PCDH15: variants seen among roughly 807,000 people sequenced by gnomAD.
PCDH15 encodes protocadherin-15.
In PCDH15, 129 loss-of-function variants were observed where a neutral mutation model predicts 178.5. The observed-to-expected ratio is 0.72, with a 90% confidence interval of 0.63 to 0.84. The LOEUF (loss-of-function observed/expected upper bound fraction) is 0.84. Among genes scored for constraint, PCDH15 ranks in the 40% least tolerant of loss-of-function variants. The pLI is 0.00. For missense variants in PCDH15, 2,230 were observed against 2,099.9 expected (o/e 1.06, Z -1.21); for synonymous variants, 800 against 732.0 (o/e 1.09, Z -1.50).
At chr10:55,595,054 T>C (rs767244098) in intron 2 of PCDH15, among the ~76,000 whole-genome samples, 1 of 152,056 alleles carries the variant, frequency 6.6e-6, no homozygotes, top group African/African-American at 2.4e-5. Flanking sequence ...TTTTTAATCA[T>C]TGAAATTCAC....
At chr10:55,370,277 G>T (rs1334362894) in intron 2 of PCDH15, among the ~76,000 whole-genome samples, 1 of 152,034 alleles carries the variant, frequency 6.6e-6, no homozygotes, top group Non-Finnish European at 1.5e-5. Context: ...CAATAAAACA[G>T]CATGCATTGA....
chr10:54,550,222 T>A (rs1260088116), intron 2 of PCDH15, among the ~76,000 whole-genome samples: 5 of 152,112 alleles, frequency 3.3e-5, no homozygotes, highest in African/African-American at 1.2e-4. Context: ...GTTATCCGTG[T>A]TTTTAGGGAG....
chr10:54,538,570 G>A (rs1183934722), intron 2 of PCDH15, among the ~76,000 whole-genome samples: 1 of 152,058 alleles, frequency 6.6e-6, no homozygotes, highest in Admixed American at 6.5e-5. Flanking sequence ...TTGTGCTTTG[G>A]TTTGAACTTG....
At chr10:53,848,240 C>G (rs959550049) in intron 28 of PCDH15, among the ~76,000 whole-genome samples, 1 of 149,736 alleles carries the variant, frequency 6.7e-6, no homozygotes, top group African/African-American at 2.5e-5. Flanking sequence ...GACAAAACTT[C>G]TAGGTTATAA....
intron 2 of PCDH15, among the ~76,000 whole-genome samples, chr10:54,597,661 T>A (rs572942238): frequency 7.9e-5 from 12 of 152,058 alleles, no homozygotes; most frequent in Admixed American, 7.9e-4. Flanking sequence ...GACTGAGACA[T>A]AATACAACCA....
intron 2 of PCDH15, among the ~76,000 whole-genome samples, chr10:55,077,511 CTTCCTTCT>C (rs2132021688): frequency 7.5e-6 from 1 of 133,124 alleles, no homozygotes; most frequent in African/African-American, 2.9e-5. Context: ...TCCTTCCTTC[CTTCCTTCT>C]TTCCTTCCTT....
intron 2 of PCDH15, among the ~76,000 whole-genome samples, chr10:55,423,478 C>CA (rs1193443628): frequency 6.6e-6 from 1 of 151,372 alleles, no homozygotes; most frequent in Non-Finnish European, 1.5e-5. Flanking sequence ...TGAGGAAAAC[C>CA]AAAAAAACAT....
intron 15 of PCDH15, among the ~76,000 whole-genome samples, chr10:54,108,886 G>A (rs993130130): frequency 2.6e-5 from 4 of 152,204 alleles, no homozygotes; most frequent in African/African-American, 9.6e-5. Context: ...ACACATCCTG[G>A]GCAAAAATAG....
At chr10:54,693,555 G>T (rs1318510767) in intron 1 of PCDH15, among the ~76,000 whole-genome samples, 3 of 152,082 alleles carry the variant, frequency 2.0e-5, no homozygotes, top group Admixed American at 2.0e-4. Context: ...ATGTTAAGTT[G>T]CTGACTATCT....
At chr10:55,571,963 T>C (rs998378506) in intron 2 of PCDH15, among the ~76,000 whole-genome samples, 2 of 152,088 alleles carry the variant, frequency 1.3e-5, no homozygotes, top group Non-Finnish European at 2.9e-5. Context: ...GCCACGTGTC[T>C]TGCTATAAAC....
At chr10:54,696,284 C>A (rs2095222151) in intron 1 of PCDH15, among the ~76,000 whole-genome samples, 2 of 151,904 alleles carry the variant, frequency 1.3e-5, no homozygotes, top group Admixed American at 6.6e-5. Context: ...GTAGAAATTG[C>A]AAGGGAACTA....
intron 3 of PCDH15, among the ~76,000 whole-genome samples, chr10:54,433,799 AC>A (rs1173455774): frequency 1.3e-5 from 2 of 152,188 alleles, no homozygotes; most frequent in African/African-American, 4.8e-5. Context: ...AAAGCATCTC[AC>A]ATACCCCATA....
intron 14 of PCDH15, among the ~76,000 whole-genome samples, chr10:54,151,428 C>A (rs2044518820): frequency 6.6e-6 from 1 of 152,062 alleles, no homozygotes; most frequent in African/African-American, 2.4e-5. Context: ...GTAGTCCCCA[C>A]TACTAGTGAG....
chr10:55,007,602 C>A (rs1341448748), intron 2 of PCDH15, among the ~76,000 whole-genome samples: 1 of 151,964 alleles, frequency 6.6e-6, no homozygotes, highest in African/African-American at 2.4e-5. Flanking sequence ...GTATATTGTT[C>A]TTTTTCTTGT....
intron 2 of PCDH15, chr10:54,641,179 G>C (rs931970491): frequency 1.5e-4 from 26 of 175,038 alleles, no homozygotes; most frequent in Non-Finnish European, 3.2e-4. Flanking sequence ...TTGTGTGTGT[G>C]TACGTGTAAA....
At chr10:54,778,628 T>C (rs1013241060) in intron 1 of PCDH15, among the ~76,000 whole-genome samples, 7 of 152,168 alleles carry the variant, frequency 4.6e-5, no homozygotes, top group Non-Finnish European at 8.8e-5. Context: ...GAAGTAACAC[T>C]GCATTCTCCT....
chr10:53,940,444 G>A (rs2610837), intron 24 of PCDH15, among the ~76,000 whole-genome samples: 113,449 of 152,012 alleles, frequency 0.75, 42,777 homozygotes, highest in East Asian at 1. Flanking sequence ...CAACCTTGAA[G>A]TTCCTTCAGG....
At chr10:55,355,346 C>T (rs576018187) in intron 2 of PCDH15, among the ~76,000 whole-genome samples, 1 of 152,022 alleles carries the variant, frequency 6.6e-6, no homozygotes, top group African/African-American at 2.4e-5. Context: ...TGTTTTCCAG[C>T]GTCCCACCAG....
intron 1 of PCDH15, among the ~76,000 whole-genome samples, chr10:55,249,122 C>T (rs1841763561): frequency 6.6e-6 from 1 of 152,012 alleles, no homozygotes; most frequent in South Asian, 2.1e-4. Flanking sequence ...AGACACCAAC[C>T]TCCGTATATA....
Sources: allele counts gnomAD v4.1 joint callset (sites outside exome capture counted in the v4.1 genomes callset), GRCh38; gene constraint gnomAD v4.1.1; transcripts MANE v1.5; gene names NCBI Gene and HGNC (gene_info 2026-07-23, HGNC 2026-07-21).